Variants in SCAMP1 observed in about 807,000 individuals in gnomAD.
SCAMP1 encodes the protein secretory carrier-associated membrane protein 1.
Under a neutral mutation model 41.8 loss-of-function variants are expected in SCAMP1, and 15 were observed. The observed-to-expected ratio is 0.36, with a 90% confidence interval of 0.24 to 0.55. The LOEUF is 0.55. Among genes scored for constraint, SCAMP1 ranks in the 20% least tolerant of loss-of-function variants. The pLI is 0.86. For synonymous variants in SCAMP1, 135 were observed against 136.8 expected (o/e 0.99, Z 0.09); for missense variants, 341 against 412.6 (o/e 0.83, Z 1.50).
chr5:78,398,540 T>TA (rs1491112862), intron 2 of SCAMP1, among the ~76,000 whole-genome samples: 14 of 57,362 alleles, frequency 2.4e-4, no homozygotes, highest in African/African-American at 1.0e-3. Context: ...CAAGGTTCAC[T>TA]ATTTTTTTTT....
At chr5:78,386,261 T>C (rs1027452801) in intron 1 of SCAMP1, among the ~76,000 whole-genome samples, 1 of 152,154 alleles carries the variant, frequency 6.6e-6, no homozygotes, top group Non-Finnish European at 1.5e-5. Context: ...TTGTCTGATA[T>C]AAAAATAACT....
At chr5:78,365,996 A>G (rs1394594012) in intron 1 of SCAMP1, among the ~76,000 whole-genome samples, 1 of 152,136 alleles carries the variant, frequency 6.6e-6, no homozygotes, top group Non-Finnish European at 1.5e-5. Flanking sequence ...ACAGAAATTT[A>G]TTGCCCAGAA....
In SCAMP1 at chr5:78,459,859, A is replaced by G. The variant is rs1012559905; in HGVS notation, c.852+497A>G. 3.3e-5 allele frequency among the ~76,000 whole-genome samples: 5 copies of G among 152,214 alleles called. No homozygotes were observed. In the East Asian group the frequency reaches 5.8e-4, roughly 18 times the overall value. ...TGGGGTTTGGGCTTCTATTGAACCC[A>G]TCACCCAAATAGTGAACATAGTACC... is the stretch of plus-strand genomic sequence containing the variant. On this transcript the variant is annotated intron_variant, in intron 8 of 8. Transcript: ENST00000621999.
At chr5:78,464,236 C>T (rs564797203) in intron 8 of SCAMP1, among the ~76,000 whole-genome samples, 3 of 152,094 alleles carry the variant, frequency 2.0e-5, no homozygotes, top group Non-Finnish European at 2.9e-5. Flanking sequence ...CTCCAACTCC[C>T]TGGTTCAAGC....
intron 7 of SCAMP1, among the ~76,000 whole-genome samples, chr5:78,454,830 G>A (rs962130578): frequency 2.6e-5 from 4 of 152,190 alleles, no homozygotes; most frequent in African/African-American, 9.7e-5. Flanking sequence ...TTTTTGGTTG[G>A]TAAAATATTG....
intron 6 of SCAMP1, among the ~76,000 whole-genome samples, chr5:78,447,307 A>G (rs530344495): frequency 3.9e-4 from 59 of 152,342 alleles, no homozygotes; most frequent in Middle Eastern, 3.4e-3. Flanking sequence ...TAGTCAAGAC[A>G]ACTTTGAAAA....
intron 8 of SCAMP1, among the ~76,000 whole-genome samples, chr5:78,467,361 T>G (rs2162961): frequency 0.02 from 3,019 of 152,266 alleles, 110 homozygotes; most frequent in African/African-American, 0.068. Flanking sequence ...AGGAAGTGTT[T>G]ATTCTGTAGC....
chr5:78,390,043 TGACTTGTGACTGGTGACTTGG>T (rs1156763855), intron 2 of SCAMP1, among the ~76,000 whole-genome samples: 2 of 152,172 alleles, frequency 1.3e-5, no homozygotes, highest in African/African-American at 4.8e-5. Flanking sequence ...CGGCAATCTG[TGACTTGTGACTGGTGACTTGG>T]GACTTGTGAC....
In SCAMP1 at chr5:78,460,791, TCCTTCCTTCCTTCCTCC is replaced by T. The variant is rs1322909871; in HGVS notation, c.852+1431_852+1447del. 4.4e-4 allele frequency among the ~76,000 whole-genome samples: 21 copies of T among 47,380 alleles called. 1 individual carries two copies. The highest frequency in any genetic ancestry group is 1.7e-3 in the African/African-American group (14 of 8,178). 31.1% of individuals were successfully genotyped at this position (47,380 alleles called of 152,430 possible). ...TTCCTTCCTTCCTTCCTTCCTTCCT[TCCTTCCTTCCTTCCTCC>T]CTTCCTTCCTTCCTTTCTTGTCTTT... On this transcript the variant is annotated intron_variant, in intron 8 of 8. Coordinates refer to ENST00000621999, the MANE Select transcript of SCAMP1 (RefSeq NM_004866.6).
intron 3 of SCAMP1, among the ~76,000 whole-genome samples, chr5:78,415,919 G>A (rs1752199125): frequency 6.6e-6 from 1 of 152,062 alleles, no homozygotes; most frequent in African/African-American, 2.4e-5. Context: ...TAAAAATGAT[G>A]GAATAATAGA....
chr5:78,394,834 T>C (rs1751609727), intron 2 of SCAMP1, among the ~76,000 whole-genome samples: 1 of 152,218 alleles, frequency 6.6e-6, no homozygotes, highest in Admixed American at 6.5e-5. Context: ...ACCCGATTTG[T>C]CTTTGGCGCT....
At chr5:78,376,379 A>G (rs1751065731) in intron 1 of SCAMP1, among the ~76,000 whole-genome samples, 2 of 152,198 alleles carry the variant, frequency 1.3e-5, no homozygotes, top group African/African-American at 2.4e-5. Flanking sequence ...GGTGGCTACC[A>G]TATTTACAGG....
intron 2 of SCAMP1, among the ~76,000 whole-genome samples, chr5:78,404,582 G>A (rs1280644344): frequency 6.6e-6 from 1 of 151,958 alleles, no homozygotes; most frequent in African/African-American, 2.4e-5. Context: ...TTAGGTCTCA[G>A]TCTTTTATTG....
intron 2 of SCAMP1, among the ~76,000 whole-genome samples, chr5:78,408,593 TTTTTG>T (rs568638816): frequency 2.6e-5 from 4 of 151,930 alleles, no homozygotes; most frequent in East Asian, 1.9e-4. Flanking sequence ...AGGTTTTTGG[TTTTTG>T]TTTTGTTTTG....
At chr5:78,461,722 C>T (rs562753402) in intron 8 of SCAMP1, among the ~76,000 whole-genome samples, 1 of 152,234 alleles carries the variant, frequency 6.6e-6, no homozygotes, top group East Asian at 1.9e-4. Flanking sequence ...AACCACCATG[C>T]CTGGCTGATT....
intron 8 of SCAMP1, among the ~76,000 whole-genome samples, chr5:78,465,926 C>G (rs1462227115): frequency 1.3e-5 from 2 of 152,194 alleles, no homozygotes; most frequent in Non-Finnish European, 2.9e-5. Context: ...ATCTAGAACA[C>G]TCTTCTTAAA....
chr5:78,464,113 G>A (rs999362377), intron 8 of SCAMP1, among the ~76,000 whole-genome samples: 1 of 151,712 alleles, frequency 6.6e-6, no homozygotes, highest in Admixed American at 6.6e-5. Flanking sequence ...AAGTAGCTGG[G>A]ACTACAGGCA....
intron 2 of SCAMP1, among the ~76,000 whole-genome samples, chr5:78,394,934 C>T (rs6882358): frequency 0.27 from 41,397 of 152,068 alleles, 5,927 homozygotes; most frequent in East Asian, 0.54. Flanking sequence ...TTCATTCTTT[C>T]TTACCTGTCC....
At chr5:78,441,893 G>A (rs548144325) in intron 6 of SCAMP1, among the ~76,000 whole-genome samples, 1 of 152,348 alleles carries the variant, frequency 6.6e-6, no homozygotes, top group South Asian at 2.1e-4. Flanking sequence ...ATTTTGGGAG[G>A]CCAAGAGGAG....
Sources: allele counts gnomAD v4.1 joint callset (sites outside exome capture counted in the v4.1 genomes callset), GRCh38; gene constraint gnomAD v4.1.1; transcripts MANE v1.5; gene names NCBI Gene and HGNC (gene_info 2026-07-23, HGNC 2026-07-21).